CHRDL1: variants seen among roughly 807,000 people sequenced by gnomAD.
CHRDL1 encodes the protein chordin like 1.
In CHRDL1, 19 loss-of-function variants were observed where a neutral mutation model predicts 40.9. The ratio of observed to expected loss-of-function variants is 0.46; its 90% CI spans 0.32 to 0.68. The LOEUF (loss-of-function observed/expected upper bound fraction) is 0.68. Among genes scored for constraint, CHRDL1 ranks in the 30% least tolerant of loss-of-function variants. The probability of loss-of-function intolerance (pLI) is 0.03; values close to 1 mark genes in which losing one functional copy is unlikely to be tolerated. For missense variants in CHRDL1, 329 were observed against 352.1 expected (o/e 0.93, Z 0.53); for synonymous variants, 136 against 123.4 (o/e 1.10, Z -0.68).
At chrX:110,780,689 A>C (rs947768192) in intron 2 of CHRDL1, among the ~76,000 whole-genome samples, 5 of 111,688 alleles carry the variant, frequency 4.5e-5, no homozygotes, top group Non-Finnish European at 9.5e-5. Context: ...CCTTCCAGAA[A>C]AGCCACAGTA....
At chrX:110,751,833 G>A (rs780543252) in intron 4 of CHRDL1, among the ~76,000 whole-genome samples, 22 of 111,697 alleles carry the variant, frequency 2.0e-4, no homozygotes, top group Non-Finnish European at 4.0e-4. Flanking sequence ...TATGTTTATC[G>A]CAGGACCACA....
chrX:110,708,667 CATAA>C (rs1202071579), intron 6 of CHRDL1, among the ~76,000 whole-genome samples: 2 of 111,423 alleles, frequency 1.8e-5, no homozygotes, highest in Non-Finnish European at 3.8e-5. Context: ...CCAGAAAAAT[CATAA>C]ATACTTACTT....
chrX:110,778,283 A>G lies in CHRDL1; in HGVS notation c.94+13805T>C, dbSNP rs143680484. Among the ~76,000 whole-genome samples, 92 of 112,390 alleles carry G rather than the reference A, an allele frequency of 8.2e-4. No individual in the cohort carries two copies. The East Asian group carries it at 0.023, about 28-fold the overall frequency. Reference sequence around the variant, plus strand: ...TCTAATCAAACTAAAGAGCTTCTGCACAGCAAAAGAAAGCATCCACAGAGT... The same window carrying G: ...TCTAATCAAACTAAAGAGCTTCTGCGCAGCAAAAGAAAGCATCCACAGAGT... On this transcript the variant is annotated intron_variant, in intron 2 of 11. Transcript: ENST00000372042.
intron 2 of CHRDL1, among the ~76,000 whole-genome samples, chrX:110,765,658 C>A (rs770337618): frequency 1.1e-3 from 126 of 111,438 alleles, no homozygotes; most frequent in African/African-American, 3.9e-3. Context: ...GGTCTATATG[C>A]CTATTTTTAT....
chrX:110,728,064 G>A (rs1194912320), intron 4 of CHRDL1, among the ~76,000 whole-genome samples: 1 of 110,437 alleles, frequency 9.1e-6, no homozygotes, highest in East Asian at 2.8e-4. Flanking sequence ...AAAACAAGGG[G>A]TAAAATGATG....
intron 1 of CHRDL1, among the ~76,000 whole-genome samples, chrX:110,794,690 A>C (rs1207503606): frequency 8.9e-6 from 1 of 112,522 alleles, no homozygotes; most frequent in Non-Finnish European, 1.9e-5. Flanking sequence ...CTTTCAGAAC[A>C]GGTCTCCTGG....
At chrX:110,736,650 C>T (rs1441844252) in intron 4 of CHRDL1, among the ~76,000 whole-genome samples, 1 of 111,735 alleles carries the variant, frequency 8.9e-6, no homozygotes, top group East Asian at 2.8e-4. Flanking sequence ...GTTTCAAACT[C>T]CACATACCAC....
At chrX:110,697,035 T>C (rs1413637335) in intron 7 of CHRDL1, among the ~76,000 whole-genome samples, 1 of 111,481 alleles carries the variant, frequency 9.0e-6, no homozygotes, top group Non-Finnish European at 1.9e-5. Flanking sequence ...GTAAGTGAAA[T>C]TGGAGCTTAT....
chrX:110,770,929 C>T (rs939198040), intron 2 of CHRDL1, among the ~76,000 whole-genome samples: 9 of 111,205 alleles, frequency 8.1e-5, no homozygotes, highest in Non-Finnish European at 1.5e-4. Context: ...GGTGGATCAC[C>T]TGAGGTCAGG....
chrX:110,675,846 T>C lies in CHRDL1; in HGVS notation c.*385A>G, dbSNP rs757106794. 15 of 124,578 alleles carry C rather than the reference T, an allele frequency of 1.2e-4. No homozygotes were observed. The highest frequency in any genetic ancestry group is 2.3e-4 in the Non-Finnish European group (14 of 62,167). The allele number at this position is 124,578 out of a possible 1,213,427, so 10.3% of individuals were successfully genotyped here. A position where few individuals can be genotyped will look rare whatever the true frequency, so the allele number is the denominator to read the frequency against. On this transcript the variant is annotated 3_prime_UTR_variant, in exon 12 of 12. Coordinates refer to ENST00000372042, the MANE Select transcript of CHRDL1 (RefSeq NM_001143981.2). ...CAAAGGTATAATTTCATACAAGTAATTGTTCTATACTGCAGAACTCCTACT... is the reference window on the plus strand; with the variant it reads ...CAAAGGTATAATTTCATACAAGTAACTGTTCTATACTGCAGAACTCCTACT...
rs1047062915 is a variant in CHRDL1, at chrX:110,748,130, G to A, written c.301+11531C>T. Among the ~76,000 whole-genome samples the A allele has an allele frequency of 9.8e-5, 11 of 111,903 alleles. No homozygotes were observed. In the South Asian group the frequency reaches 4.1e-3, roughly 42 times the overall value. ...GACCCATTTATGTTTCTGAAACTTG[G>A]TGAAGGCCCCTGTCTTTCTTTCACC... On this transcript the variant is annotated intron_variant, in intron 4 of 11. Coordinates refer to ENST00000372042, the MANE Select transcript of CHRDL1 (RefSeq NM_001143981.2).
intron 4 of CHRDL1, among the ~76,000 whole-genome samples, chrX:110,750,279 A>G (rs1015839099): frequency 6.2e-5 from 7 of 112,262 alleles, no homozygotes; most frequent in African/African-American, 1.9e-4. Flanking sequence ...TTAAGCTGTA[A>G]TGACAATTTC....
At chrX:110,685,256 ACTTT>A (rs2069983999) in intron 9 of CHRDL1, among the ~76,000 whole-genome samples, 1 of 111,437 alleles carries the variant, frequency 9.0e-6, no homozygotes, top group African/African-American at 3.3e-5. Flanking sequence ...ATATATAAAC[ACTTT>A]CTTTCTTTCT....
intron 4 of CHRDL1, among the ~76,000 whole-genome samples, chrX:110,735,836 CTGAGA>C (rs2071254033): frequency 8.9e-6 from 1 of 112,150 alleles, no homozygotes; most frequent in Non-Finnish European, 1.9e-5. Flanking sequence ...AAAAACTATT[CTGAGA>C]TGACTGGAAA....
chrX:110,769,826 G>A (rs1364699439), intron 2 of CHRDL1, among the ~76,000 whole-genome samples: 2 of 112,104 alleles, frequency 1.8e-5, no homozygotes, highest in African/African-American at 6.5e-5. Context: ...ACGACATGTG[G>A]TAATTGTGGG....
chrX:110,738,354 G>A (rs781726353), intron 4 of CHRDL1, among the ~76,000 whole-genome samples: 16 of 111,637 alleles, frequency 1.4e-4, no homozygotes, highest in Non-Finnish European at 2.6e-4. Context: ...TCTTCAAACC[G>A]AGCCTAAATA....
At position 110,770,967 on chromosome X, in the gene CHRDL1, T is replaced by TA. The variant is rs1231166343; in HGVS notation, c.95-8161dup. Among the ~76,000 whole-genome samples, 4 of 110,403 alleles carry TA rather than the reference T, an allele frequency of 3.6e-5. No individual in the cohort carries two copies. The Admixed American group carries it at 3.9e-4, about 11-fold the overall frequency. On this transcript the variant is annotated intron_variant, in intron 2 of 11. Coordinates refer to ENST00000372042, the MANE Select transcript of CHRDL1 (RefSeq NM_001143981.2). ...TTCAAGACCAGCCTGGCCTACATGG[T>TA]AAAACCCTGTCTCTATTAAAAATAC...
chrX:110,708,752 C>T (rs956652801), intron 6 of CHRDL1, among the ~76,000 whole-genome samples: 1 of 111,384 alleles, frequency 9.0e-6, no homozygotes, highest in South Asian at 3.8e-4. Flanking sequence ...ACAGAAACTA[C>T]GAGCTGGATG....
At chrX:110,746,785 C>G (rs1425318861) in intron 4 of CHRDL1, among the ~76,000 whole-genome samples, 1 of 111,418 alleles carries the variant, frequency 9.0e-6, no homozygotes, top group Non-Finnish European at 1.9e-5. Flanking sequence ...CAGATGAAAT[C>G]TGGGGACCCA....
Sources: allele counts gnomAD v4.1 joint callset (sites outside exome capture counted in the v4.1 genomes callset), GRCh38; gene constraint gnomAD v4.1.1; transcripts MANE v1.5; gene names NCBI Gene and HGNC (gene_info 2026-07-23, HGNC 2026-07-21).